NME9: variants seen among roughly 807,000 people sequenced by gnomAD.
NME9 encodes thioredoxin domain-containing protein 6.
NME9 carries 48 observed loss-of-function variants against 44.4 expected under a neutral mutation model. The observed-to-expected ratio is 1.08, with a 90% CI of 0.86 to 1.37. The LOEUF (loss-of-function observed/expected upper bound fraction) is 1.37, where lower values mean the gene tolerates loss of function less well. NME9 is among the 40% of genes most tolerant of loss of function. NME9 has a pLI of 0.00. For synonymous variants in NME9, 139 were observed against 147.1 expected, an observed-to-expected ratio of 0.94 and a Z score of 0.40; for missense variants, 325 against 405.2, an observed-to-expected ratio of 0.80 and a Z score of 1.70.
In NME9 at chr3:138,301,236, ACT is replaced by A; in HGVS notation, c.*402_*403del. Reference sequence around the variant, plus strand: ...ATTATTATTATTAAGATGGAGTCTCACTCTGTCACCCAGGCTGGAGTGCAGTG... The same window carrying A: ...ATTATTATTATTAAGATGGAGTCTCACTGTCACCCAGGCTGGAGTGCAGTG... On this transcript the variant is annotated 3_prime_UTR_variant, in exon 11 of 11. Coordinates refer to ENST00000333911, the MANE Select transcript of NME9 (RefSeq NM_001349018.2). The A allele has an allele frequency of 1.7e-6, 1 of 590,134 alleles. No homozygotes were observed. Among genetic ancestry groups the A allele is most frequent in the African/African-American group, 2.0e-5 (1 of 49,456 alleles). 36.6% of individuals were successfully genotyped at this position (590,134 alleles called of 1,614,324 possible).
chr3:138,329,383 C>G lies in NME9; in HGVS notation c.-48G>C. The G allele has an allele frequency of 6.5e-7, 1 of 1,535,574 alleles. No individual in the cohort carries two copies. Among genetic ancestry groups the G allele is most frequent in the Non-Finnish European group, 8.7e-7 (1 of 1,146,648 alleles). On this transcript the variant is annotated 5_prime_UTR_variant, in exon 1 of 11. Coordinates refer to ENST00000333911, the MANE Select transcript of NME9 (RefSeq NM_001349018.2). ...CCTGTTACCGCGGCCGTGGGCCGTT[C>G]CCCCGCAGCCTCGCGACAAACCGCT... is the stretch of plus-strand genomic sequence containing the variant.
intron 8 of NME9, among the ~76,000 whole-genome samples, chr3:138,277,702 ACAGT>A (rs2049438744): frequency 6.6e-6 from 1 of 152,236 alleles, no homozygotes; most frequent in South Asian, 2.1e-4. Context: ...GCAAAATAAT[ACAGT>A]CATTTTGGAA....
chr3:138,298,215 C>CTT (rs2051654010), downstream of NME9: 1 of 152,180 alleles, frequency 6.6e-6, no homozygotes, highest in Non-Finnish European at 1.5e-5. Flanking sequence ...CTTTTGTGCC[C>CTT]TGATTGTAAT....
At chr3:138,321,783 G>T (rs2108460798) in intron 2 of NME9, among the ~76,000 whole-genome samples, 1 of 151,966 alleles carries the variant, frequency 6.6e-6, no homozygotes, top group East Asian at 2.0e-4. Context: ...TACTAGGGAT[G>T]AAAATGAAGA....
At chr3:138,299,241 G>A (rs889190400), downstream of NME9, among the ~76,000 whole-genome samples, 1 of 152,076 alleles carries the variant, frequency 6.6e-6, no homozygotes, top group Admixed American at 6.5e-5. Flanking sequence ...AAGGGCCACT[G>A]AGTGGACTAC....
At chr3:138,294,880 G>GT (rs1158484011) in intron 8 of NME9, among the ~76,000 whole-genome samples, 4 of 150,908 alleles carry the variant, frequency 2.7e-5, no homozygotes, top group African/African-American at 9.8e-5. Flanking sequence ...TGTTTTTTGG[G>GT]TTTTTTTGTT....
chr3:138,268,564 T>C (rs2048492905), intron 8 of NME9, among the ~76,000 whole-genome samples: 1 of 152,156 alleles, frequency 6.6e-6, no homozygotes, highest in Non-Finnish European at 1.5e-5. Flanking sequence ...TTTTTTTATA[T>C]TGAAAAATTA....
At chr3:138,267,233 A>G in intron 8 of NME9, 1 of 1,563,024 alleles carries the variant, frequency 6.4e-7, no homozygotes, top group Non-Finnish European at 8.7e-7. Context: ...ATTTTCTCCA[A>G]GCAAAGAGGT....
At chr3:138,311,617 T>G (rs1347048044) in intron 6 of NME9, among the ~76,000 whole-genome samples, 2 of 152,188 alleles carry the variant, frequency 1.3e-5, no homozygotes, top group Non-Finnish European at 2.9e-5. Context: ...ATCAAATCAT[T>G]AACAGAACCA....
chr3:138,262,913 T>A (rs2047897266), intron 8 of NME9, among the ~76,000 whole-genome samples: 1 of 152,208 alleles, frequency 6.6e-6, no homozygotes, highest in African/African-American at 2.4e-5. Flanking sequence ...AGCTGTGTGA[T>A]TACAGGAAAG....
chr3:138,285,870 A>G (rs1471079662), intron 8 of NME9, among the ~76,000 whole-genome samples: 1 of 152,156 alleles, frequency 6.6e-6, no homozygotes, highest in Non-Finnish European at 1.5e-5. Context: ...TGTATCCATA[A>G]TCACTTAAAA....
At chr3:138,322,101 A>AT (rs1197291752) in intron 2 of NME9, among the ~76,000 whole-genome samples, 1 of 152,090 alleles carries the variant, frequency 6.6e-6, no homozygotes, top group Non-Finnish European at 1.5e-5. Flanking sequence ...TACTACAGTT[A>AT]TTTGGGTGAA....
chr3:138,313,299 C>T (rs779693369), intron 6 of NME9, among the ~76,000 whole-genome samples: 3 of 151,882 alleles, frequency 2.0e-5, no homozygotes, highest in Admixed American at 6.6e-5. Context: ...GGCTGAGGCA[C>T]GAGAATTGCT....
intron 1 of NME9, among the ~76,000 whole-genome samples, chr3:138,328,982 T>A (rs1280370501): frequency 6.6e-6 from 1 of 152,068 alleles, no homozygotes; most frequent in East Asian, 1.9e-4. Flanking sequence ...TCACATCGAG[T>A]TATGTTGATT....
chr3:138,302,327 C>T (rs1268621503), intron 10 of NME9, among the ~76,000 whole-genome samples: 1 of 152,192 alleles, frequency 6.6e-6, no homozygotes, highest in Non-Finnish European at 1.5e-5. Flanking sequence ...AAAAGTCAGT[C>T]TCATGATCTT....
intron 8 of NME9, among the ~76,000 whole-genome samples, chr3:138,285,254 CT>C (rs1174760975): frequency 2.6e-5 from 4 of 152,186 alleles, no homozygotes; most frequent in African/African-American, 9.7e-5. Flanking sequence ...CACCTCTTCC[CT>C]CCCCCATTAC....
chr3:138,279,662 G>A (rs976811518), intron 8 of NME9, among the ~76,000 whole-genome samples: 19 of 152,084 alleles, frequency 1.2e-4, no homozygotes, highest in African/African-American at 4.4e-4. Flanking sequence ...GGAATCATCT[G>A]GATACGATGA....
chr3:138,304,367 C>A (rs2052075272), intron 9 of NME9, among the ~76,000 whole-genome samples: 1 of 152,238 alleles, frequency 6.6e-6, no homozygotes, highest in Non-Finnish European at 1.5e-5. Flanking sequence ...TGGCGCCAAG[C>A]TAAATACTCC....
chr3:138,276,012 G>T (rs2049257045), intron 8 of NME9, among the ~76,000 whole-genome samples: 1 of 152,162 alleles, frequency 6.6e-6, no homozygotes, highest in Non-Finnish European at 1.5e-5. Context: ...AATGAATTTT[G>T]TCTATAAAGA....
Sources: gnomAD v4.1 joint callset for allele counts (sites outside exome capture counted in the v4.1 genomes callset) on GRCh38, gnomAD v4.1.1 for gene constraint, MANE v1.5 for transcripts, NCBI Gene and HGNC (gene_info 2026-07-23, HGNC 2026-07-21) for gene names.